DACH2: variants seen among roughly 807,000 people sequenced by gnomAD.
DACH2 encodes the protein dachshund homolog 2.
In DACH2, 17 loss-of-function variants were observed where a neutral mutation model predicts 35.8. The observed-to-expected ratio is 0.48, with a 90% CI of 0.33 to 0.71. The LOEUF (loss-of-function observed/expected upper bound fraction) is 0.71. Among genes scored for constraint, DACH2 ranks in the 30% least tolerant of loss-of-function variants. The pLI is 0.02. For missense variants in DACH2, 469 were observed against 472.7 expected (o/e 0.99, Z 0.07); for synonymous variants, 195 against 177.3 (o/e 1.10, Z -0.79).
intron 1 of DACH2, among the ~76,000 whole-genome samples, chrX:86,215,336 A>AAACTCTTACT: frequency 9.0e-6 from 1 of 111,697 alleles, no homozygotes; most frequent in South Asian, 3.7e-4. Context: ...TTGCTAAGTG[A>AAACTCTTACT]AACAAAAATA....
At chrX:86,536,908 A>G (rs911545030) in intron 3 of DACH2, among the ~76,000 whole-genome samples, 6 of 111,427 alleles carry the variant, frequency 5.4e-5, no homozygotes, top group African/African-American at 2.0e-4. Flanking sequence ...CTTTTGGTTT[A>G]TATAATGAAC....
intron 2 of DACH2, among the ~76,000 whole-genome samples, chrX:86,493,396 G>A (rs909145722): frequency 2.7e-5 from 3 of 111,337 alleles, no homozygotes; most frequent in African/African-American, 9.8e-5. Context: ...TGCCCAATAT[G>A]TACTATATCA....
At chrX:86,243,642 C>A (rs1429840384) in intron 1 of DACH2, among the ~76,000 whole-genome samples, 1 of 111,544 alleles carries the variant, frequency 9.0e-6, no homozygotes, top group Non-Finnish European at 1.9e-5. Context: ...TTGTTGTTAT[C>A]ACTACTCAGG....
intron 2 of DACH2, among the ~76,000 whole-genome samples, chrX:86,405,488 G>A (rs1208154707): frequency 9.0e-6 from 1 of 111,413 alleles, no homozygotes; most frequent in African/African-American, 3.3e-5. Context: ...GACCAACTCA[G>A]CCTGAACCTT....
At chrX:86,442,361 G>GTA (rs1280126101) in intron 2 of DACH2, among the ~76,000 whole-genome samples, 1 of 95,903 alleles carries the variant, frequency 1.0e-5, no homozygotes, top group African/African-American at 3.8e-5. Context: ...TATTTTGTGT[G>GTA]TGTGTGTGTG....
At chrX:86,480,563 A>G (rs1396822463) in intron 2 of DACH2, among the ~76,000 whole-genome samples, 1 of 111,920 alleles carries the variant, frequency 8.9e-6, no homozygotes, top group Non-Finnish European at 1.9e-5. Context: ...TCAGAGTGGC[A>G]AGTTCCCCCA....
chrX:86,167,554 C>G (rs2030984374), intron 1 of DACH2, among the ~76,000 whole-genome samples: 1 of 110,520 alleles, frequency 9.0e-6, no homozygotes, highest in African/African-American at 3.3e-5. Flanking sequence ...ATTTCTTTCC[C>G]AATTTTCATT....
At chrX:86,172,935 T>C (rs1343366202) in intron 1 of DACH2, among the ~76,000 whole-genome samples, 1 of 111,730 alleles carries the variant, frequency 9.0e-6, no homozygotes, top group Non-Finnish European at 1.9e-5. Context: ...ACTTAATAGT[T>C]TGAAAGAAAA....
intron 1 of DACH2, among the ~76,000 whole-genome samples, chrX:86,293,160 G>T (rs756988073): frequency 2.5e-3 from 259 of 102,981 alleles, no homozygotes; most frequent in Non-Finnish European, 4.2e-3. Flanking sequence ...TTGTTGAATT[G>T]ATCCCTTTAC....
chrX:86,161,564 GA>G (rs1296513063), intron 1 of DACH2, among the ~76,000 whole-genome samples: 4 of 112,103 alleles, frequency 3.6e-5, no homozygotes, highest in African/African-American at 9.7e-5. Context: ...AGATTTTTGT[GA>G]AGCGTTTCTA....
intron 2 of DACH2, among the ~76,000 whole-genome samples, chrX:86,508,910 G>A (rs1390171473): frequency 9.0e-6 from 1 of 111,584 alleles, no homozygotes; most frequent in Non-Finnish European, 1.9e-5. Context: ...TGAAGGAAAA[G>A]AAACAGAAAT....
rs188254916 is a variant in DACH2, at chrX:86,296,154, C to A, written c.489-80670C>A. Reference sequence around the variant, plus strand: ...CAGCACTTTGGGAGGCCGAGGCGGGCGGATCACGAGGTCAGGAGATCGAGA... The same window carrying A: ...CAGCACTTTGGGAGGCCGAGGCGGGAGGATCACGAGGTCAGGAGATCGAGA... On this transcript the variant is annotated intron_variant, in intron 1 of 11. Coordinates refer to ENST00000373125, the MANE Select transcript of DACH2 (RefSeq NM_053281.3). Among the ~76,000 whole-genome samples, 3 of 106,895 alleles carry A rather than the reference C, an allele frequency of 2.8e-5. No individual in the cohort carries two copies. In the Admixed American group the frequency reaches 3.0e-4, roughly 11 times the overall value. The allele number at this position is 106,895 out of a possible 115,157, so 92.8% of individuals were successfully genotyped here.
At chrX:86,667,616 G>GAAA (rs2040715351) in intron 4 of DACH2, among the ~76,000 whole-genome samples, 2 of 108,197 alleles carry the variant, frequency 1.8e-5, no homozygotes, top group African/African-American at 3.4e-5. Context: ...AAGAAAGAAA[G>GAAA]GCAGGCAGGC....
intron 11 of DACH2, chrX:86,829,000 T>G (rs2042587606): frequency 8.9e-6 from 1 of 112,118 alleles, no homozygotes; most frequent in Admixed American, 9.5e-5. Context: ...AACTGAGTTT[T>G]TATCCATTTT....
chrX:86,586,852 G>C (rs1000464443), intron 3 of DACH2, among the ~76,000 whole-genome samples: 21 of 111,694 alleles, frequency 1.9e-4, no homozygotes, highest in Non-Finnish European at 3.2e-4. Flanking sequence ...GGCAGTTAAA[G>C]TGATCCTTCA....
intron 3 of DACH2, among the ~76,000 whole-genome samples, chrX:86,632,494 G>GCACACACACACACACA (rs3041616): frequency 2.1e-5 from 2 of 95,978 alleles, no homozygotes; most frequent in African/African-American, 7.6e-5. Flanking sequence ...TCATACACAT[G>GCACACACACACACACA]CACACACACA....
At chrX:86,567,472 T>C (rs752645726) in intron 3 of DACH2, among the ~76,000 whole-genome samples, 1 of 111,250 alleles carries the variant, frequency 9.0e-6, no homozygotes, top group East Asian at 2.9e-4. Context: ...CTTGAGGAGA[T>C]AAGGCCTGAG....
At chrX:86,376,558 T>G (rs181044562) in intron 1 of DACH2, among the ~76,000 whole-genome samples, 1 of 110,806 alleles carries the variant, frequency 9.0e-6, no homozygotes, top group African/African-American at 3.3e-5. Flanking sequence ...ACATTTCACA[T>G]TATTCTTTAG....
At chrX:86,151,938 C>T (rs2030381232) in intron 1 of DACH2, among the ~76,000 whole-genome samples, 1 of 110,595 alleles carries the variant, frequency 9.0e-6, no homozygotes, top group Non-Finnish European at 1.9e-5. Context: ...AAAGATGGAA[C>T]AGAAGAGCTT....
Sources: allele counts gnomAD v4.1 joint callset (sites outside exome capture counted in the v4.1 genomes callset), GRCh38; gene constraint gnomAD v4.1.1; transcripts MANE v1.5; gene names NCBI Gene and HGNC (gene_info 2026-07-23, HGNC 2026-07-21).